TMEM132D: variants seen among roughly 807,000 people sequenced by gnomAD.
The protein encoded by TMEM132D is mature OL transmembrane protein.
TMEM132D carries 21 observed loss-of-function variants against 62.3 expected under a neutral mutation model. The ratio of observed to expected loss-of-function variants is 0.34; its 90% CI spans 0.24 to 0.49. The LOEUF is 0.49. Ranked by LOEUF, TMEM132D falls within the 20% of genes least tolerant of loss-of-function variation. The probability of loss-of-function intolerance (pLI) is 0.99; values close to 1 mark genes in which losing one functional copy is unlikely to be tolerated. For missense variants in TMEM132D, 1,346 were observed against 1,402.8 expected (o/e 0.96, Z 0.65); for synonymous variants, 621 against 575.6 (o/e 1.08, Z -1.13).
At chr12:129,863,859 A>T (rs1873976751) in intron 1 of TMEM132D, among the ~76,000 whole-genome samples, 1 of 152,170 alleles carries the variant, frequency 6.6e-6, no homozygotes, top group South Asian at 2.1e-4. Flanking sequence ...TGCCCACAAG[A>T]ACTAATATAG....
Position 129,515,109 on chromosome 12 carries a change from C to T in TMEM132D, c.1115+15950G>A, listed in dbSNP as rs1430307762. On this transcript the variant is annotated intron_variant, in intron 3 of 8. Coordinates refer to ENST00000422113, the MANE Select transcript of TMEM132D (RefSeq NM_133448.3). ...GCATATTTCCAATCAATATTTGCTCCGTAAGCACTGTGTGTACAGGACTAG... is the reference window on the plus strand; with the variant it reads ...GCATATTTCCAATCAATATTTGCTCTGTAAGCACTGTGTGTACAGGACTAG... Among the ~76,000 whole-genome samples the T allele has an allele frequency of 5.3e-5, 8 of 152,274 alleles. No individual in the cohort carries two copies. In the South Asian group the frequency reaches 6.2e-4, roughly 12 times the overall value.
chr12:129,886,034 A>G (rs1484153521), intron 1 of TMEM132D, among the ~76,000 whole-genome samples: 1 of 152,214 alleles, frequency 6.6e-6, no homozygotes, highest in Non-Finnish European at 1.5e-5. Context: ...AACTTTTTAA[A>G]GTTTCTCCTC....
intron 1 of TMEM132D, among the ~76,000 whole-genome samples, chr12:129,770,140 GTT>G (rs1487516221): frequency 9.6e-6 from 1 of 104,310 alleles, no homozygotes. Flanking sequence ...GGTTTTTTTG[GTT>G]GTTTTTTTTT....
chr12:129,547,410 C>T (rs1876767921), intron 2 of TMEM132D, among the ~76,000 whole-genome samples: 1 of 152,086 alleles, frequency 6.6e-6, no homozygotes, highest in Admixed American at 6.5e-5. Context: ...GGCCACGTGG[C>T]TTTCTCAAAG....
chr12:129,589,838 C>T (rs1025303469), intron 2 of TMEM132D, among the ~76,000 whole-genome samples: 2 of 152,178 alleles, frequency 1.3e-5, no homozygotes, highest in African/African-American at 2.4e-5. Flanking sequence ...GAATCTCCTG[C>T]TGCAAGATTA....
chr12:129,228,317 T>C (rs1234728937), intron 4 of TMEM132D, among the ~76,000 whole-genome samples: 1 of 152,154 alleles, frequency 6.6e-6, no homozygotes, highest in Non-Finnish European at 1.5e-5. Flanking sequence ...AGGTTTTCCA[T>C]TTTTGTGTTG....
chr12:129,482,672 TCAG>T (rs1172595264), intron 3 of TMEM132D, among the ~76,000 whole-genome samples: 2 of 152,210 alleles, frequency 1.3e-5, no homozygotes, highest in East Asian at 3.9e-4. Flanking sequence ...TTTAAAAAGA[TCAG>T]CATCTGAAAA....
chr12:129,088,017 T>C (rs867352040), intron 5 of TMEM132D, among the ~76,000 whole-genome samples: 2 of 43,226 alleles, frequency 4.6e-5, no homozygotes, highest in Non-Finnish European at 8.5e-5. Flanking sequence ...CATGACCGGG[T>C]GTCCTCCATG....
At chr12:129,595,188 A>G (rs1878301980) in intron 2 of TMEM132D, among the ~76,000 whole-genome samples, 1 of 152,224 alleles carries the variant, frequency 6.6e-6, no homozygotes, top group Admixed American at 6.5e-5. Context: ...CCATTCAGCA[A>G]CACTGTACTG....
chr12:129,087,961 GGGGTGTCCTCCATGACC>G (rs1565959519), intron 5 of TMEM132D, among the ~76,000 whole-genome samples: 3,294 of 90,218 alleles, frequency 0.037, 701 homozygotes, highest in East Asian at 0.08. Flanking sequence ...CTCCCTGACC[GGGGTGTCCTCCATGACC>G]GGGTGTCCTC....
intron 1 of TMEM132D, among the ~76,000 whole-genome samples, chr12:129,754,143 T>G (rs900941965): frequency 1.2e-4 from 18 of 152,176 alleles, no homozygotes; most frequent in African/African-American, 3.9e-4. Flanking sequence ...GCGGGAAAAG[T>G]AGGTGCTGGC....
chr12:129,697,926 A>ACAG lies in TMEM132D; in HGVS notation c.968+1883_968+1884insCTG, dbSNP rs1565952645. 6.5e-4 allele frequency among the ~76,000 whole-genome samples: 98 copies of ACAG among 151,062 alleles called. 1 individual carries two copies. In the South Asian group the frequency reaches 0.015, roughly 24 times the overall value. ...TTACACACACACACACACACACACA[A>ACAG]GCTGCATGTGGCTCTCATCTCCTGA... On this transcript the variant is annotated intron_variant, in intron 2 of 8. Coordinates refer to ENST00000422113, the MANE Select transcript of TMEM132D (RefSeq NM_133448.3).
intron 5 of TMEM132D, among the ~76,000 whole-genome samples, chr12:129,101,166 C>T (rs918775175): frequency 6.6e-6 from 1 of 152,158 alleles, no homozygotes; most frequent in African/African-American, 2.4e-5. Flanking sequence ...GGGATCTAAG[C>T]TCTGTGGTGC....
At chr12:129,150,104 G>A (rs1018459608) in intron 5 of TMEM132D, among the ~76,000 whole-genome samples, 1 of 152,262 alleles carries the variant, frequency 6.6e-6, no homozygotes, top group Non-Finnish European at 1.5e-5. Context: ...CCAGAGGACA[G>A]CACAGGCCAG....
intron 4 of TMEM132D, among the ~76,000 whole-genome samples, chr12:129,285,539 A>AAAAAAAAAAAAAAG (rs56018646): frequency 0.25 from 21,707 of 85,614 alleles, 5,532 homozygotes; most frequent in Non-Finnish European, 0.36. Flanking sequence ...AAAAAAAAAA[A>AAAAAAAAAAAAAAG]AGAGAGAGAG....
intron 1 of TMEM132D, among the ~76,000 whole-genome samples, chr12:129,781,565 T>C (rs1196083719): frequency 6.6e-6 from 1 of 152,166 alleles, no homozygotes; most frequent in Non-Finnish European, 1.5e-5. Flanking sequence ...CCTGGCCTAG[T>C]AGGGTAGTTC....
intron 1 of TMEM132D, among the ~76,000 whole-genome samples, chr12:129,808,345 A>C (rs950991253): frequency 6.6e-6 from 1 of 152,230 alleles, no homozygotes; most frequent in African/African-American, 2.4e-5. Flanking sequence ...TATTAAAAGA[A>C]AAACACTCTC....
intron 3 of TMEM132D, among the ~76,000 whole-genome samples, chr12:129,443,412 A>G (rs563012357): frequency 1.1e-4 from 16 of 152,240 alleles, no homozygotes; most frequent in African/African-American, 3.1e-4. Context: ...TGCTTTATAC[A>G]CACTCTGATC....
chr12:129,813,028 T>C (rs10773710), intron 1 of TMEM132D, among the ~76,000 whole-genome samples: 31,166 of 151,666 alleles, frequency 0.21, 3,888 homozygotes, highest in East Asian at 0.46. Context: ...TCCACTTCTT[T>C]CCGTCTCGGC....
Sources: gnomAD v4.1 joint callset for allele counts (sites outside exome capture counted in the v4.1 genomes callset) on GRCh38, gnomAD v4.1.1 for gene constraint, MANE v1.5 for transcripts, NCBI Gene and HGNC (gene_info 2026-07-23, HGNC 2026-07-21) for gene names.